The following APP variants were observed in gnomAD, a reference collection of about 807,000 sequenced individuals.
APP encodes amyloid beta precursor protein, also known as amyloid-beta precursor protein.
A neutral mutation model predicts 101.4 loss-of-function variants in APP; 31 were observed. The ratio of observed to expected loss-of-function variants is 0.31; its 90% CI spans 0.23 to 0.41. The LOEUF is 0.41. Ranked by LOEUF, APP falls within the 10% of genes least tolerant of loss-of-function variation. The pLI is 1.00. For synonymous variants in APP, 366 were observed against 364.4 expected (o/e 1.00, Z -0.05); for missense variants, 839 against 1,003.7 (o/e 0.84, Z 2.22).
intron 8 of APP, among the ~76,000 whole-genome samples, chr21:25,990,746 G>T (rs13048779): frequency 1 from 152,324 of 152,324 alleles, 76,162 homozygotes; most frequent in Non-Finnish European, 1. Context: ...TCCTTTATAT[G>T]GTTATTTACC....
chr21:25,998,791 C>CAAATAAATAAATAAAT (rs3084256), intron 7 of APP, among the ~76,000 whole-genome samples: 2 of 151,746 alleles, frequency 1.3e-5, no homozygotes, highest in Admixed American at 6.6e-5. Context: ...ACAACAACAA[C>CAAATAAATAAATAAAT]AAATAAATAA....
rs774255603 is a variant in APP at position 26,161,434 on chromosome 21, A to G, written c.57+9130T>C. Among the ~76,000 whole-genome samples, 19 of 152,212 alleles carry G rather than the reference A, an allele frequency of 1.2e-4. No homozygotes were observed. The South Asian group carries it at 3.5e-3, about 28-fold the overall frequency. ...TTCCTTACCCAACTTAATTTTTTCCAAGTCACTTCCTTCCTCCTTTTTATT... is the reference window on the plus strand; with the variant it reads ...TTCCTTACCCAACTTAATTTTTTCCGAGTCACTTCCTTCCTCCTTTTTATT... On this transcript the variant is annotated intron_variant, in intron 1 of 17. Transcript: ENST00000346798.
chr21:25,905,573 T>C (rs1787439), intron 14 of APP, among the ~76,000 whole-genome samples: 133,357 of 152,228 alleles, frequency 0.88, 58,550 homozygotes, highest in Non-Finnish European at 0.91. Context: ...AAAGTTTTAC[T>C]ATATAATCTG....
At chr21:25,918,803 G>A (rs1399429177) in intron 13 of APP, among the ~76,000 whole-genome samples, 1 of 150,564 alleles carries the variant, frequency 6.6e-6, no homozygotes, top group East Asian at 2.0e-4. Flanking sequence ...GAGGCTGGGG[G>A]AGGGGAGCCC....
chr21:26,009,883 T>C (rs1231415657), intron 6 of APP: 1 of 173,928 alleles, frequency 5.7e-6, no homozygotes, highest in Non-Finnish European at 1.2e-5. Flanking sequence ...CCATCGTGCC[T>C]GGCCAGAATG....
chr21:26,010,479 A>G (rs1162710583), intron 6 of APP, among the ~76,000 whole-genome samples: 1 of 152,096 alleles, frequency 6.6e-6, no homozygotes, highest in African/African-American at 2.4e-5. Context: ...GTTATCTACA[A>G]TGTGCAAAGC....
intron 1 of APP, among the ~76,000 whole-genome samples, chr21:26,131,767 C>T (rs140419919): frequency 7.4e-4 from 113 of 152,278 alleles, no homozygotes; most frequent in African/African-American, 2.6e-3. Context: ...TTATCTATTG[C>T]ACAATATGAC....
rs369097548 is a variant in APP, at chr21:25,890,949, TAA to T, written c.2211+771_2211+772del. 6.6e-5 allele frequency among the ~76,000 whole-genome samples: 10 copies of T among 152,322 alleles called. No individual in the cohort carries two copies. In the East Asian group the frequency reaches 1.9e-3, roughly 29 times the overall value. On this transcript the variant is annotated intron_variant, in intron 17 of 17. Transcript: ENST00000346798. Reference sequence around the variant, plus strand: ...AAATTTTTCAGTTTCCCTGTGCATATAAAAGTTATGTTTACACTATACTCTCT... The same window carrying T: ...AAATTTTTCAGTTTCCCTGTGCATATAAGTTATGTTTACACTATACTCTCT...
At chr21:25,934,868 C>A (rs1010521476) in intron 13 of APP, 3 of 152,192 alleles carry the variant, frequency 2.0e-5, no homozygotes. Flanking sequence ...TCTGAACACC[C>A]GTGTGTTTCA....
chr21:26,064,574 T>G (rs548862578), intron 3 of APP, among the ~76,000 whole-genome samples: 1 of 150,702 alleles, frequency 6.6e-6, no homozygotes, highest in South Asian at 2.1e-4. Context: ...ACTGGGGGCT[T>G]GCATACAGGG....
intron 2 of APP, among the ~76,000 whole-genome samples, chr21:26,090,792 C>G (rs2061807351): frequency 6.6e-6 from 1 of 152,124 alleles, no homozygotes; most frequent in South Asian, 2.1e-4. Context: ...AGAAAGCTTT[C>G]TATATAAAAA....
intron 13 of APP, among the ~76,000 whole-genome samples, chr21:25,927,912 T>C (rs972420788): frequency 1.3e-5 from 2 of 152,206 alleles, no homozygotes; most frequent in Non-Finnish European, 2.9e-5. Flanking sequence ...CCAGGCTCCC[T>C]GGCATCTAAA....
At chr21:26,113,615 G>A (rs1048622539) in intron 1 of APP, among the ~76,000 whole-genome samples, 1 of 152,140 alleles carries the variant, frequency 6.6e-6, no homozygotes, top group Non-Finnish European at 1.5e-5. Context: ...CAAAGCAGCC[G>A]ATGCCAAAAT....
In APP at chr21:25,982,468, G is replaced by A; in HGVS notation, c.1100C>T (p.Thr367Ile). Residue 367 changes from threonine (T) to isoleucine (I), a missense_variant, in exon 9 of 18, where the codon ACA (threonine) becomes ATA (isoleucine). Coordinates refer to ENST00000346798, the MANE Select transcript of APP (RefSeq NM_000484.4). Reference protein sequence around the residue: ...LARDPVKLPTTAASTPDAVDK... With the variant: ...LARDPVKLPTIAASTPDAVDK... ...AACGGCATCAGGGGTACTGGCTGCTGTTGTAGGAACTATAAAGTAGAAGAG... is the reference window on the plus strand; with the variant it reads ...AACGGCATCAGGGGTACTGGCTGCTATTGTAGGAACTATAAAGTAGAAGAG... 6.2e-7 allele frequency: 1 copy of A among 1,613,778 alleles called. No individual in the cohort carries two copies. Among genetic ancestry groups the A allele is most frequent in the Non-Finnish European group, 8.5e-7 (1 of 1,179,828 alleles).
chr21:26,021,688 CAA>C, intron 6 of APP, 150 bp downstream of exon 6: 2 of 1,165,168 alleles, frequency 1.7e-6, no homozygotes, highest in Non-Finnish European at 2.4e-6. Context: ...CTTGTTAAAC[CAA>C]AAAAATTTCA....
At chr21:25,945,379 A>AATTTTTT (rs1213400314) in intron 13 of APP, 1 of 18,152 alleles carries the variant, frequency 5.5e-5, no homozygotes, top group Non-Finnish European at 1.7e-4. Flanking sequence ...TGCAATCCGC[A>AATTTTTT]CTTTTTTTTT....
At chr21:26,143,744 CTT>C (rs745579455) in intron 1 of APP, among the ~76,000 whole-genome samples, 27 of 152,340 alleles carry the variant, frequency 1.8e-4, no homozygotes, top group African/African-American at 6.3e-4. Flanking sequence ...CCCTTCTACT[CTT>C]GTTTCCATGA....
intron 8 of APP, among the ~76,000 whole-genome samples, chr21:25,988,122 C>T (rs1452324951): frequency 1.3e-5 from 2 of 152,086 alleles, no homozygotes. Flanking sequence ...CAGCTGGCTG[C>T]TGGAAGGACA....
intron 9 of APP, among the ~76,000 whole-genome samples, chr21:25,981,683 TA>T (rs146161498): frequency 1.4e-5 from 2 of 141,626 alleles, no homozygotes; most frequent in Non-Finnish European, 3.1e-5. Context: ...AAGGACCTGC[TA>T]AAAAAAAACA....
Sources: gnomAD v4.1 joint callset for allele counts (sites outside exome capture counted in the v4.1 genomes callset) on GRCh38, gnomAD v4.1.1 for gene constraint, MANE v1.5 for transcripts, NCBI Gene and HGNC (gene_info 2026-07-23, HGNC 2026-07-21) for gene names.